Variants in ZFHX3 observed in about 807,000 individuals in gnomAD.
ZFHX3 encodes the protein zinc finger homeobox protein 3.
In ZFHX3, 42 loss-of-function variants were observed where a neutral mutation model predicts 279.1. That is an observed-to-expected ratio of 0.15 (90% CI 0.12 to 0.19). ZFHX3 has a LOEUF of 0.19. Ranked by LOEUF, ZFHX3 falls within the 10% of genes least tolerant of loss-of-function variation. The pLI is 1.00. For synonymous variants in ZFHX3, 2,293 were observed against 1,957.8 expected (o/e 1.17, Z -4.52); for missense variants, 4,981 against 4,754.0 (o/e 1.05, Z -1.40).
chr16:73,792,857 C>CCG (rs944207661), intron 1 of ZFHX3, among the ~76,000 whole-genome samples: 3 of 46,074 alleles, frequency 6.5e-5, no homozygotes, highest in African/African-American at 2.8e-4. Flanking sequence ...ATACAGTGCA[C>CCG]CCCCCCCCTC....
In ZFHX3 at chr16:73,520,569, C is replaced by T. The variant is rs1046009995; in HGVS notation, c.-1546-64311G>A. On this transcript the variant is annotated intron_variant, in intron 2 of 17. Coordinates refer to the ZFHX3 transcript ENST00000641206. ...GCACCTTCAAATTCTCCATCTGGCT[C>T]TCTCACCACCAAGCCCTGTCTGCTC... Among the ~76,000 whole-genome samples, 3 of 152,198 alleles carry T rather than the reference C, an allele frequency of 2.0e-5. No individual in the cohort carries two copies. In the South Asian group the frequency reaches 6.2e-4, roughly 31 times the overall value.
intron 8 of ZFHX3, among the ~76,000 whole-genome samples, chr16:73,071,190 G>T (rs1407262017): frequency 6.6e-6 from 1 of 151,266 alleles, no homozygotes; most frequent in Non-Finnish European, 1.5e-5. Context: ...GGGGAGGAGG[G>T]CCAGGCAAGG....
intron 5 of ZFHX3, among the ~76,000 whole-genome samples, chr16:73,156,750 TGTC>T (rs147640074): frequency 0.01 from 1,565 of 151,884 alleles, 18 homozygotes; most frequent in African/African-American, 0.036. Flanking sequence ...AGTCTAGCTC[TGTC>T]ACCAGGCTGG....
At chr16:73,134,885 A>G (rs1966762516) in intron 6 of ZFHX3, among the ~76,000 whole-genome samples, 2 of 152,102 alleles carry the variant, frequency 1.3e-5, no homozygotes, top group African/African-American at 4.8e-5. Flanking sequence ...CCCTTCTAGC[A>G]TGAGAATGCT....
chr16:73,442,870 G>C (rs1224721618), intron 3 of ZFHX3, among the ~76,000 whole-genome samples: 1 of 152,166 alleles, frequency 6.6e-6, no homozygotes, highest in Non-Finnish European at 1.5e-5. Flanking sequence ...TTCCACCTCA[G>C]CCTCCCGAGC....
At chr16:73,201,209 C>A (rs1968260908) in intron 5 of ZFHX3, among the ~76,000 whole-genome samples, 1 of 152,108 alleles carries the variant, frequency 6.6e-6, no homozygotes, top group Non-Finnish European at 1.5e-5. Context: ...GGCTCTGTCC[C>A]CTTGGGGTAT....
At chr16:73,059,564 A>C (rs1397649421) in exon 1 of ZFHX3, 3 of 69,704 alleles carry the variant, frequency 4.3e-5, no homozygotes, top group African/African-American at 5.7e-5. Flanking sequence ...CTCTCTCTCT[A>C]AGCAAACGCA....
chr16:73,173,395 C>G (rs564860763), intron 5 of ZFHX3, among the ~76,000 whole-genome samples: 10 of 140,144 alleles, frequency 7.1e-5, no homozygotes, highest in Non-Finnish European at 9.3e-5. Context: ...CATATTTGTC[C>G]TCTCTTCTCG....
At chr16:72,894,324 A>G (rs982182495) in intron 3 of ZFHX3, among the ~76,000 whole-genome samples, 2 of 152,116 alleles carry the variant, frequency 1.3e-5, no homozygotes, top group African/African-American at 2.4e-5. Flanking sequence ...AAGTTGTCCA[A>G]CTGGAAGTAA....
At chr16:73,574,296 T>A (rs1009872883) in intron 2 of ZFHX3, among the ~76,000 whole-genome samples, 4 of 152,190 alleles carry the variant, frequency 2.6e-5, no homozygotes, top group Non-Finnish European at 4.4e-5. Flanking sequence ...GATATGTGAC[T>A]ATGCCTCCAT....
chr16:73,739,686 G>A (rs1227270010), intron 1 of ZFHX3, among the ~76,000 whole-genome samples: 2 of 152,176 alleles, frequency 1.3e-5, no homozygotes, highest in Non-Finnish European at 1.5e-5. Flanking sequence ...AAGGGTGGGA[G>A]AAAGGGTGAC....
intron 2 of ZFHX3, among the ~76,000 whole-genome samples, chr16:73,646,586 CAATT>C (rs1355217504): frequency 6.6e-6 from 1 of 151,860 alleles, no homozygotes; most frequent in Non-Finnish European, 1.5e-5. Context: ...AAAGGAAAGA[CAATT>C]AATATTAGGA....
At chr16:72,976,277 C>G (rs1223328375) in intron 1 of ZFHX3, among the ~76,000 whole-genome samples, 1 of 152,166 alleles carries the variant, frequency 6.6e-6, no homozygotes, top group African/African-American at 2.4e-5. Context: ...GCAACTGTTC[C>G]TGCAGTTCCA....
intron 5 of ZFHX3, among the ~76,000 whole-genome samples, chr16:73,182,980 G>A (rs1405852838): frequency 6.6e-6 from 1 of 152,156 alleles, no homozygotes; most frequent in Non-Finnish European, 1.5e-5. Context: ...CGAGGTGGGT[G>A]GATCACCTCA....
intron 6 of ZFHX3, among the ~76,000 whole-genome samples, chr16:73,138,299 T>G (rs1293352743): frequency 6.6e-6 from 1 of 152,134 alleles, no homozygotes; most frequent in Non-Finnish European, 1.5e-5. Flanking sequence ...GTGCCTACTT[T>G]TACCCAAAGA....
intron 2 of ZFHX3, chr16:73,499,453 G>A (rs2019198817): frequency 6.6e-6 from 1 of 152,228 alleles, no homozygotes. Flanking sequence ...AAGTGGAGAA[G>A]GACATCTGTG....
At chr16:73,770,077 C>A (rs554505900) in intron 1 of ZFHX3, among the ~76,000 whole-genome samples, 25 of 152,164 alleles carry the variant, frequency 1.6e-4, no homozygotes, top group African/African-American at 6.0e-4. Context: ...CGTTACATGG[C>A]AAAGGAGAAT....
At chr16:73,787,564 A>T (rs558109418) in intron 1 of ZFHX3, among the ~76,000 whole-genome samples, 1 of 152,212 alleles carries the variant, frequency 6.6e-6, no homozygotes, top group Admixed American at 6.5e-5. Context: ...TGGATTCATT[A>T]GGTATTCAAA....
In ZFHX3 at chr16:73,600,219, G is replaced by C. The variant is rs557603847; in HGVS notation, c.-1547+79961C>G. Among the ~76,000 whole-genome samples the C allele has an allele frequency of 1.6e-4, 24 of 152,232 alleles. No homozygotes were observed. The South Asian group carries it at 4.1e-3, about 26-fold the overall frequency. On this transcript the variant is annotated intron_variant, in intron 2 of 17. Transcript: ENST00000641206. Reference sequence around the variant, plus strand: ...AAGGCCAGAGAGAAGGATCCAGAATGGACTGTTTCTAAAGAAGCAGCATCA... The same window carrying C: ...AAGGCCAGAGAGAAGGATCCAGAATCGACTGTTTCTAAAGAAGCAGCATCA...
Sources: gnomAD v4.1 joint callset for allele counts (sites outside exome capture counted in the v4.1 genomes callset) on GRCh38, gnomAD v4.1.1 for gene constraint, MANE v1.5 for transcripts, NCBI Gene and HGNC (gene_info 2026-07-23, HGNC 2026-07-21) for gene names.